Variants in DST observed in about 807,000 individuals in gnomAD.
DST encodes the protein dystonin.
A neutral mutation model predicts 875.2 loss-of-function variants in DST; 253 were observed. The observed-to-expected ratio is 0.29, with a 90% confidence interval of 0.26 to 0.32. DST has a LOEUF of 0.32. Ranked by LOEUF, DST falls within the 10% of genes least tolerant of loss-of-function variation. DST has a pLI of 1.00. For missense variants in DST, 8,287 were observed against 9,111.6 expected (o/e 0.91, Z 3.68); for synonymous variants, 3,124 against 3,197.1 (o/e 0.98, Z 0.77).
rs2098683603 is a variant in DST at position 56,620,771 on chromosome 6, G to GT, written c.4929+3758dup. ...TGTTCTGTTCAAAATATCTTACAAC[G>GT]TATGAATCAATGTTCATAAAAGTAC... On this transcript the variant is annotated intron_variant, in intron 36 of 103. Transcript: ENST00000680361. 3 of 1,487,550 alleles carry GT rather than the reference G, an allele frequency of 2.0e-6. No individual in the cohort carries two copies. In the African/African-American group the frequency reaches 4.2e-5, roughly 21 times the overall value. The allele number at this position is 1,487,550 out of a possible 1,614,324, so 92.1% of individuals were successfully genotyped here.
Position 56,492,208 on chromosome 6 carries a change from T to C in DST, c.20757+19A>G. On this transcript the variant is annotated intron_variant, in intron 85 of 103. Transcript: ENST00000680361. Reference sequence around the variant, plus strand: ...TGGTTTATTGACAAGTTCAGAGAATTTTTCTAAAGGGTTATTACCTGCTTG... The same window carrying C: ...TGGTTTATTGACAAGTTCAGAGAATCTTTCTAAAGGGTTATTACCTGCTTG... The C allele has an allele frequency of 6.2e-7, 1 of 1,608,644 alleles. No homozygotes were observed.
chr6:56,633,784 G>A (rs956171389), intron 27 of DST, among the ~76,000 whole-genome samples: 7 of 152,296 alleles, frequency 4.6e-5, no homozygotes, highest in East Asian at 1.9e-4. Context: ...TTACAGGCGT[G>A]AGCCACCGCG....
rs750792453 is a variant in DST, at chr6:56,529,571, C to T, written c.17472G>A (p.Lys5824=). The change falls in exon 66 of 104, where the codon AAG becomes AAA. Residue 5824 remains lysine (K), a synonymous_variant. Transcript: ENST00000680361. ...GTTCAACTTCATCTTCCCCAAAAAT[C>T]TTAGCATTACATAAGGCCTGCTGGA... ...ELLQQALCNA[K]IFGEDEVELM... 6.1e-5 allele frequency: 99 copies of T among 1,613,828 alleles called. No individual in the cohort carries two copies. The highest frequency in any genetic ancestry group is 3.3e-4 in the Middle Eastern group (2 of 6,060).
At chr6:56,508,341 T>A (rs1206779733) in intron 75 of DST, among the ~76,000 whole-genome samples, 188 bp downstream of exon 75, 1 of 152,148 alleles carries the variant, frequency 6.6e-6, no homozygotes, top group Non-Finnish European at 1.5e-5. Flanking sequence ...CCTGAGAAAT[T>A]GTTTTAAACA....
intron 4 of DST, among the ~76,000 whole-genome samples, chr6:56,840,115 C>A (rs1007420879): frequency 6.6e-6 from 1 of 152,180 alleles, no homozygotes; most frequent in Non-Finnish European, 1.5e-5. Context: ...CACATTATCT[C>A]ATTTTCTCAC....
Position 56,528,889 on chromosome 6 carries a change from C to T in DST, c.17632G>A (p.Val5878Ile), listed in dbSNP as rs2152510472. 6 of 1,586,840 alleles carry T rather than the reference C, an allele frequency of 3.8e-6. No homozygotes were observed. The highest frequency in any genetic ancestry group is 5.2e-6 in the Non-Finnish European group (6 of 1,164,420). The stretch of plus-strand genomic sequence containing the variant: ...AAACCATTTAGTAAAGCCTGATCTA[C>T]ATTTTGTTTCCTGAGTAAGATGTCC... ...QEDILLRKQNVDQALLNGLEL... is the reference protein window; with the variant it reads ...QEDILLRKQNIDQALLNGLEL... The change falls in exon 67 of 104, where the codon GTA becomes ATA. Residue 5878 changes from valine (V) to isoleucine (I), a missense_variant. Physicochemically the swap from Val to Ile is conservative, Grantham distance 29. This residue lies in a region of DST where 777 missense variants were observed against 764.8 expected (regional missense o/e 1.02). Coordinates refer to ENST00000680361, the MANE Select transcript of DST (RefSeq NM_001374736.1).
chr6:56,501,344 G>T, intron 79 of DST, 109 bp from the exon 80 acceptor site: 2 of 1,263,364 alleles, frequency 1.6e-6, no homozygotes, highest in Non-Finnish European at 1.1e-6. Context: ...GTCCATAAAC[G>T]TATCCAGTGA....
chr6:56,619,189 T>C, intron 36 of DST: 1 of 1,614,126 alleles, frequency 6.2e-7, no homozygotes, highest in Non-Finnish European at 8.5e-7. Flanking sequence ...CTGCCTGAAT[T>C]TTCAGTGCTT....
chr6:56,687,836 G>C (rs888788394), intron 9 of DST, among the ~76,000 whole-genome samples: 1 of 149,004 alleles, frequency 6.7e-6, no homozygotes, highest in Non-Finnish European at 1.5e-5. Flanking sequence ...TAACTGTAAA[G>C]ACAGCACAAA....
chr6:56,719,680 A>G (rs1211716023), intron 5 of DST, among the ~76,000 whole-genome samples: 2 of 152,268 alleles, frequency 1.3e-5, no homozygotes, highest in Non-Finnish European at 2.9e-5. Context: ...GTTCTTTTCT[A>G]TTTTCCCTAA....
At chr6:56,616,628 T>C (rs745371844) in intron 36 of DST, 2 of 1,614,182 alleles carry the variant, frequency 1.2e-6, no homozygotes, top group East Asian at 2.2e-5. Flanking sequence ...ATGTAAAAAC[T>C]GTAAGATGGC....
At chr6:56,843,105 T>C (rs752992531) in intron 4 of DST, 6 of 1,572,720 alleles carry the variant, frequency 3.8e-6, no homozygotes, top group Non-Finnish European at 5.2e-6. Flanking sequence ...CTCCTGCTCC[T>C]CCACGTACAG....
At chr6:56,835,478 T>C (rs2099792517) in intron 4 of DST, among the ~76,000 whole-genome samples, 2 of 152,186 alleles carry the variant, frequency 1.3e-5, no homozygotes, top group African/African-American at 2.4e-5. Context: ...CTATGTAGTT[T>C]CTGCTCAATT....
At chr6:56,945,357 C>T (rs1442208485) in intron 2 of DST, among the ~76,000 whole-genome samples, 24 of 152,100 alleles carry the variant, frequency 1.6e-4, no homozygotes, top group Non-Finnish European at 5.9e-5. Flanking sequence ...AAAGAGAAGA[C>T]AGATGGGACA....
intron 4 of DST, chr6:56,742,401 G>T: frequency 7.9e-7 from 1 of 1,264,042 alleles, no homozygotes; most frequent in Non-Finnish European, 1.0e-6. Context: ...TGATGTGTCA[G>T]AGTCCTGTTA....
intron 4 of DST, among the ~76,000 whole-genome samples, chr6:56,841,929 AG>A (rs1287895693): frequency 6.6e-6 from 1 of 152,204 alleles, no homozygotes; most frequent in East Asian, 1.9e-4. Flanking sequence ...ATACACAATA[AG>A]AGTCTTGGCA....
At chr6:56,624,021 A>C (rs1391419258) in intron 36 of DST, among the ~76,000 whole-genome samples, 2 of 152,066 alleles carry the variant, frequency 1.3e-5, no homozygotes, top group Non-Finnish European at 2.9e-5. Context: ...AAAATTCTTA[A>C]AAAGTATCAT....
At chr6:56,861,857 T>C (rs1042216826) in intron 3 of DST, 2 of 151,782 alleles carry the variant, frequency 1.3e-5, no homozygotes, top group African/African-American at 4.8e-5. Context: ...AATTCTGAGG[T>C]GGAAGAAATG....
chr6:56,723,362 C>A (rs561186725), intron 5 of DST, among the ~76,000 whole-genome samples: 3 of 151,938 alleles, frequency 2.0e-5, no homozygotes, highest in Non-Finnish European at 4.4e-5. Context: ...GTCAGTGGTT[C>A]GAGACCAGCC....
Sources: gnomAD v4.1 joint callset for allele counts (sites outside exome capture counted in the v4.1 genomes callset) on GRCh38, gnomAD v4.1.1 for gene constraint, gnomAD v4.1.1 regional missense constraint, MANE v1.5 for transcripts, NCBI Gene and HGNC (gene_info 2026-07-23, HGNC 2026-07-21) for gene names.